The following TM6SF2 variants were observed in gnomAD, a reference collection of about 807,000 sequenced individuals.
TM6SF2 encodes transmembrane 6 superfamily member 2.
Under a neutral mutation model 41.0 loss-of-function variants are expected in TM6SF2, and 29 were observed. The observed-to-expected ratio is 0.71, with a 90% confidence interval of 0.53 to 0.96. The LOEUF (loss-of-function observed/expected upper bound fraction) is 0.96. Ranked by LOEUF, TM6SF2 falls within the 50% of genes least tolerant of loss-of-function variation. The probability of loss-of-function intolerance (pLI) is 0.00; values close to 1 mark genes in which losing one functional copy is unlikely to be tolerated. For synonymous variants in TM6SF2, 200 were observed against 209.1 expected, an observed-to-expected ratio of 0.96 and a Z score of 0.37; for missense variants, 475 against 499.0, an observed-to-expected ratio of 0.95 and a Z score of 0.46.
intron 9 of TM6SF2, among the ~76,000 whole-genome samples, 175 bp from the exon 10 acceptor site, chr19:19,265,048 T>G (rs2060998253): frequency 6.7e-6 from 1 of 148,504 alleles, no homozygotes; most frequent in Admixed American, 6.7e-5. Flanking sequence ...GTTTTTTTTT[T>G]TTTTTTTTTT....
chr19:19,266,962 G>T (rs368432017), intron 8 of TM6SF2, among the ~76,000 whole-genome samples: 1 of 152,292 alleles, frequency 6.6e-6, no homozygotes, highest in South Asian at 2.1e-4. Flanking sequence ...GGGTAATAAG[G>T]GCTCACATTG....
At chr19:19,273,053 TCCAGTCCTCCCCGCCCCCGCCCGCCC>T in intron 1 of TM6SF2, 42 bp downstream of exon 1, 1 of 501,780 alleles carries the variant, frequency 2.0e-6, no homozygotes, top group Non-Finnish European at 3.1e-6. Flanking sequence ...CCAGCCCACC[TCCAGTCCTCCCCGCCCCCGCCCGCCC>T]CCACTGTCCC....
chr19:19,271,141 C>T lies in TM6SF2; in HGVS notation c.96-16G>A. 6.2e-7 allele frequency: 1 copy of T among 1,609,274 alleles called. No homozygotes were observed. Among genetic ancestry groups the T allele is most frequent in the South Asian group, 1.1e-5 (1 of 90,976 alleles). ...CCACAGGGGGCTGTGGAGAGGGAAG[C>T]CAAGTCAGGGAGGCCAGGCCCAGTG... On this transcript the variant is annotated splice_polypyrimidine_tract_variant and intron_variant, in intron 1 of 9. Coordinates refer to ENST00000389363, the MANE Select transcript of TM6SF2 (RefSeq NM_001001524.3).
intron 1 of TM6SF2, 44 bp from the exon 2 acceptor site, chr19:19,271,169 G>C (rs760361003): frequency 6.7e-7 from 1 of 1,494,800 alleles, no homozygotes; most frequent in Non-Finnish European, 9.3e-7. Flanking sequence ...GCCCAGTGCT[G>C]AGGCATCGCC....
Position 19,270,282 on chromosome 19 carries a change from G to A in TM6SF2, c.298-6C>T. The A allele has an allele frequency of 1.9e-6, 3 of 1,614,216 alleles. No homozygotes were observed. The highest frequency in any genetic ancestry group is 2.5e-6 in the Non-Finnish European group (3 of 1,180,032). ...GTGCGCAGGTATGGCTCTCCCTGTG[G>A]GGGCAGGTGGGAGACTCAGACGGGC... On this transcript the variant is annotated splice_polypyrimidine_tract_variant and splice_region_variant and intron_variant, in intron 3 of 9. Coordinates refer to ENST00000389363, the MANE Select transcript of TM6SF2 (RefSeq NM_001001524.3).
At position 19,271,113 on chromosome 19, in the gene TM6SF2, C is replaced by T. The variant is rs758933778; in HGVS notation, c.108G>A (p.Val36=). The change falls in exon 2 of 10, where the codon GTG becomes GTA. Residue 36 remains valine, a synonymous_variant. Coordinates refer to ENST00000389363, the MANE Select transcript of TM6SF2 (RefSeq NM_001001524.3). ...CCAGGATTAGGGCGCTCATCAATGC[C>T]ACCCACAGGGGGCTGTGGAGAGGGA... ...HVSALSHPLW[V]ALMSALILGL... 8.1e-6 allele frequency: 13 copies of T among 1,614,042 alleles called. No individual in the cohort carries two copies. Among genetic ancestry groups the T allele is most frequent in the Non-Finnish European group, 8.5e-7 (1 of 1,180,000 alleles).
chr19:19,271,025 C>T lies in TM6SF2; in HGVS notation c.196G>A (p.Ala66Thr), dbSNP rs1285927544. The T allele has an allele frequency of 6.2e-7, 1 of 1,613,316 alleles. No individual in the cohort carries two copies. The highest frequency in any genetic ancestry group is 2.2e-5 in the East Asian group (1 of 44,874). ...HGEVSYDPLY[A>T]VFAVFAFTSV... ...CCACAGCTTCCCACTGACTCACCAG[C>T]ATAGAGTGGGTCATAGGAGACCTCG... Residue 66 changes from alanine (A) to threonine (T), a missense_variant, in exon 2 of 10, where the codon GCT (alanine) becomes ACT (threonine). Coordinates refer to ENST00000389363, the MANE Select transcript of TM6SF2 (RefSeq NM_001001524.3).
At position 19,270,196 on chromosome 19, in the gene TM6SF2, G is replaced by A. The variant is rs1387036676; in HGVS notation, c.378C>T (p.Ala126=). ...ACCTTCTGCAGATGGCGCCGGCCAT[G>A]GCCAGGTAGAGGAGGTAGTGAACAG... ...DGTVHYLLYL[A]MAGAICRRKR... Residue 126 remains alanine (A), a synonymous_variant, in exon 4 of 10, where the codon GCC becomes GCT. Transcript: ENST00000389363. The A allele has an allele frequency of 6.2e-7, 1 of 1,614,030 alleles. No individual in the cohort carries two copies. Among genetic ancestry groups the A allele is most frequent in the East Asian group, 2.2e-5 (1 of 44,880 alleles).
chr19:19,264,786 C>G lies in TM6SF2; in HGVS notation c.1012G>C (p.Val338Leu). 6.2e-7 allele frequency: 1 copy of G among 1,610,114 alleles called. No homozygotes were observed. Among genetic ancestry groups the G allele is most frequent in the Non-Finnish European group, 8.5e-7 (1 of 1,178,362 alleles). Residue 338 changes from valine to leucine, a missense_variant, in exon 10 of 10, where the codon GTG becomes CTG. Transcript: ENST00000389363. ...VPEDTWGCFF[V>L]CNLLYALGPH... Reference sequence around the variant, plus strand: ...CCCAGCGCATACAGCAGATTGCACACGAAGAAGCAGCCCCAGGTGTCCTCA... The same window carrying G: ...CCCAGCGCATACAGCAGATTGCACAGGAAGAAGCAGCCCCAGGTGTCCTCA...
chr19:19,270,497 GCTAGGGCTT>G, intron 2 of TM6SF2, 55 bp from the exon 3 acceptor site: 1 of 1,561,334 alleles, frequency 6.4e-7, no homozygotes, highest in Non-Finnish European at 8.7e-7. Flanking sequence ...TGTGGGTGGG[GCTAGGGCTT>G]AGTGTGGGCG....
Position 19,267,713 on chromosome 19 carries a change from C to A in TM6SF2, c.712G>T (p.Val238Leu), listed in dbSNP as rs767777461. ...AGFFTLFRGL[V>L]VLDCPTDACF... ...GCATCTGTGGGGCAATCAAGCACCA[C>A]CTGGAGCAGACAGACATACCAAGAA... Residue 238 changes from valine (V) to leucine (L), a missense_variant and splice_region_variant, in exon 8 of 10, where the codon GTG becomes TTG. Coordinates refer to ENST00000389363, the MANE Select transcript of TM6SF2 (RefSeq NM_001001524.3). The A allele has an allele frequency of 6.2e-7, 1 of 1,613,494 alleles. No homozygotes were observed.
At chr19:19,268,858 G>A in intron 5 of TM6SF2, 104 bp from the exon 6 acceptor site, 1 of 1,384,106 alleles carries the variant, frequency 7.2e-7, no homozygotes. Context: ...ACCCAGGCTG[G>A]AGTGCAGTGA....
intron 5 of TM6SF2, among the ~76,000 whole-genome samples, chr19:19,269,026 C>T (rs1046868119): frequency 6.6e-5 from 10 of 152,110 alleles, no homozygotes; most frequent in African/African-American, 2.2e-4. Flanking sequence ...CTCCACGGCT[C>T]AAGTGATTGA....
intron 8 of TM6SF2, among the ~76,000 whole-genome samples, chr19:19,267,289 G>T (rs536926633): frequency 6.6e-6 from 1 of 150,794 alleles, no homozygotes; most frequent in African/African-American, 2.4e-5. Flanking sequence ...AATCACTTGA[G>T]CCCAGGAGGT....
At position 19,264,744 on chromosome 19, in the gene TM6SF2, AG is replaced by A; in HGVS notation, c.1053del (p.Tyr352ThrfsTer19). 1.2e-6 allele frequency: 2 copies of A among 1,606,496 alleles called. No individual in the cohort carries two copies. Among genetic ancestry groups the A allele is most frequent in the Non-Finnish European group, 1.7e-6 (2 of 1,176,612 alleles). ...AATGCGGGCCACTGAAGGCAACGGT[AG>A]GCCAGCAGGTGGGGGCCCAGCGCAT... is the stretch of plus-strand genomic sequence containing the variant. Reference protein sequence around the residue: ...LLYALGPHLLAYRCLQWPAFF... With the variant: ...LLYALGPHLLXYRCLQWPAFF... On this transcript the variant is annotated frameshift_variant, in exon 10 of 10. Transcript: ENST00000389363. LOFTEE classifies it low-confidence loss of function (END_TRUNC).
chr19:19,265,696 G>A (rs1387699457), intron 9 of TM6SF2, among the ~76,000 whole-genome samples: 1 of 152,152 alleles, frequency 6.6e-6, no homozygotes, highest in East Asian at 1.9e-4. Context: ...TGGGATTACA[G>A]GTGTGAGCCA....
chr19:19,273,023 G>A (rs1599839361), intron 1 of TM6SF2, 98 bp downstream of exon 1: 2 of 1,008,224 alleles, frequency 2.0e-6, no homozygotes, highest in Non-Finnish European at 2.7e-6. Context: ...AGCCAGGTCC[G>A]CGGACCGCGC....
chr19:19,270,095 C>T, intron 4 of TM6SF2, 78 bp downstream of exon 4: 4 of 1,586,918 alleles, frequency 2.5e-6, no homozygotes, highest in Non-Finnish European at 3.4e-6. Context: ...CTTCTGGCTC[C>T]ACCCTGCCCT....
At chr19:19,270,726 C>T (rs980078924) in intron 2 of TM6SF2, among the ~76,000 whole-genome samples, 40 of 152,120 alleles carry the variant, frequency 2.6e-4, no homozygotes, top group African/African-American at 9.2e-4. Context: ...GGAGAGGCAC[C>T]GTCCCTGCCC....
Sources: allele counts gnomAD v4.1 joint callset (sites outside exome capture counted in the v4.1 genomes callset), GRCh38; gene constraint gnomAD v4.1.1; transcripts MANE v1.5; gene names NCBI Gene and HGNC (gene_info 2026-07-23, HGNC 2026-07-21).